The following GALNTL6 variants were observed in gnomAD, a reference collection of about 807,000 sequenced individuals.
The protein encoded by GALNTL6 is polypeptide N-acetylgalactosaminyltransferase-like 6.
GALNTL6 carries 46 observed loss-of-function variants against 73.7 expected under a neutral mutation model. That is an observed-to-expected ratio of 0.62 (90% CI 0.49 to 0.80). GALNTL6 has a LOEUF of 0.80. Ranked by LOEUF, GALNTL6 falls within the 30% of genes least tolerant of loss-of-function variation. The pLI is 0.00. For missense variants in GALNTL6, 604 were observed against 755.0 expected, an observed-to-expected ratio of 0.80 and a Z score of 2.34; for synonymous variants, 259 against 263.7, an observed-to-expected ratio of 0.98 and a Z score of 0.17.
intron 2 of GALNTL6, among the ~76,000 whole-genome samples, chr4:171,836,129 G>C (rs1735088380): frequency 6.6e-6 from 1 of 152,004 alleles, no homozygotes; most frequent in Admixed American, 6.6e-5. Flanking sequence ...GCATCCTTTA[G>C]TAGTGTGGAC....
intron 2 of GALNTL6, among the ~76,000 whole-genome samples, chr4:171,858,078 ATTTTGT>A (rs1201853142): frequency 2.0e-5 from 3 of 151,988 alleles, no homozygotes; most frequent in Non-Finnish European, 4.4e-5. Flanking sequence ...GATACTTGGG[ATTTTGT>A]TTTTGTTTTG....
At chr4:171,899,284 T>C (rs1359680628) in intron 2 of GALNTL6, among the ~76,000 whole-genome samples, 1 of 152,086 alleles carries the variant, frequency 6.6e-6, no homozygotes, top group Non-Finnish European at 1.5e-5. Flanking sequence ...CTAGTAGCGT[T>C]TAAAAAATAT....
At chr4:172,071,655 A>G (rs1429334529) in intron 2 of GALNTL6, among the ~76,000 whole-genome samples, 1 of 110,454 alleles carries the variant, frequency 9.1e-6, no homozygotes, top group Non-Finnish European at 2.0e-5. Context: ...TTTGTTGTAT[A>G]TAAATAAATT....
intron 10 of GALNTL6, among the ~76,000 whole-genome samples, chr4:172,981,997 G>T (rs1751086529): frequency 6.6e-6 from 1 of 151,936 alleles, no homozygotes; most frequent in South Asian, 2.1e-4. Flanking sequence ...GTTTCTCCAT[G>T]TTGGTCAGAC....
intron 3 of GALNTL6, among the ~76,000 whole-genome samples, chr4:172,238,035 G>T (rs73000306): frequency 0.031 from 4,733 of 152,110 alleles, 231 homozygotes; most frequent in African/African-American, 0.11. Flanking sequence ...CTTCAGCTTT[G>T]TTCTTTTTGC....
chr4:172,745,453 A>ATATATATATATATATATATACAC (rs1737059643), intron 5 of GALNTL6, among the ~76,000 whole-genome samples: 1 of 151,182 alleles, frequency 6.6e-6, no homozygotes, highest in African/African-American at 2.4e-5. Context: ...ATGTACACAT[A>ATATATATATATATATATATACAC]ACTTTTATAA....
chr4:173,028,923 T>C (rs10019310), intron 12 of GALNTL6, among the ~76,000 whole-genome samples: 53,447 of 152,120 alleles, frequency 0.35, 9,920 homozygotes, highest in African/African-American at 0.44. Context: ...GTGTAACCAT[T>C]CCATTCATTT....
At chr4:173,032,681 T>A (rs1753521737) in intron 12 of GALNTL6, among the ~76,000 whole-genome samples, 1 of 152,150 alleles carries the variant, frequency 6.6e-6, no homozygotes, top group Non-Finnish European at 1.5e-5. Flanking sequence ...TGAGACCCTG[T>A]CTCAAAAATA....
chr4:172,198,451 G>A (rs141391040), intron 2 of GALNTL6, among the ~76,000 whole-genome samples: 2 of 151,364 alleles, frequency 1.3e-5, no homozygotes, highest in Non-Finnish European at 2.9e-5. Context: ...TGGGCAAAAG[G>A]TATGAACAGA....
At chr4:171,814,970 A>G (rs1734486104) in intron 2 of GALNTL6, 1 of 560,292 alleles carries the variant, frequency 1.8e-6, no homozygotes, top group African/African-American at 1.9e-5. Flanking sequence ...ATAATCTTTC[A>G]CCATTGGTCT....
At chr4:171,826,127 C>T (rs529232356) in intron 2 of GALNTL6, among the ~76,000 whole-genome samples, 7 of 152,284 alleles carry the variant, frequency 4.6e-5, no homozygotes, top group African/African-American at 1.7e-4. Flanking sequence ...CAGCTCTCTT[C>T]GTCGTTTTTG....
chr4:172,682,774 T>C (rs1289572111), intron 5 of GALNTL6, among the ~76,000 whole-genome samples: 1 of 152,090 alleles, frequency 6.6e-6, no homozygotes, highest in Non-Finnish European at 1.5e-5. Flanking sequence ...TTAAGACAAT[T>C]TTAACCTGGT....
chr4:172,847,245 C>T (rs1041568805), intron 7 of GALNTL6, among the ~76,000 whole-genome samples: 3 of 152,118 alleles, frequency 2.0e-5, no homozygotes, highest in Non-Finnish European at 4.4e-5. Context: ...AGAACTCTAT[C>T]ACGCTTATTT....
chr4:172,952,109 A>C lies in GALNTL6; in HGVS notation c.1222A>C (p.Arg408=). 1 of 1,614,112 alleles carries C rather than the reference A, an allele frequency of 6.2e-7. No homozygotes were observed. The highest frequency in any genetic ancestry group is 8.5e-7 in the Non-Finnish European group (1 of 1,179,994). ...EYIYQRRPEY[R]HLSTGDISAQ... is the part of the protein sequence containing the mutation. ...CATTTACCAGCGGCGGCCGGAGTAC[A>C]GGCATCTCTCCACGGGGGACATCTC... The change falls in exon 10 of 13, where the codon AGG becomes CGG. Residue 408 remains arginine (R), a synonymous_variant. Coordinates refer to ENST00000506823, the MANE Select transcript of GALNTL6 (RefSeq NM_001034845.3).
At chr4:172,076,896 G>A (rs991708226) in intron 2 of GALNTL6, among the ~76,000 whole-genome samples, 1 of 152,168 alleles carries the variant, frequency 6.6e-6, no homozygotes. Context: ...CTGGTGGGAG[G>A]TGATTTGATT....
intron 7 of GALNTL6, among the ~76,000 whole-genome samples, chr4:172,879,367 T>C (rs1745343693): frequency 6.6e-6 from 1 of 151,896 alleles, no homozygotes; most frequent in Non-Finnish European, 1.5e-5. Flanking sequence ...AGATAGACCA[T>C]ATTCTAAGCC....
chr4:172,792,910 A>T (rs1740076841), intron 5 of GALNTL6, among the ~76,000 whole-genome samples: 1 of 152,028 alleles, frequency 6.6e-6, no homozygotes, highest in Non-Finnish European at 1.5e-5. Flanking sequence ...CTTCCCTTTC[A>T]GAATTTTGTA....
intron 5 of GALNTL6, among the ~76,000 whole-genome samples, chr4:172,476,068 A>C (rs1733219304): frequency 6.6e-6 from 1 of 152,210 alleles, no homozygotes; most frequent in East Asian, 1.9e-4. Flanking sequence ...CACCTATCTG[A>C]TATCCAGTCG....
intron 5 of GALNTL6, among the ~76,000 whole-genome samples, chr4:172,798,127 C>T (rs575099545): frequency 4.9e-4 from 75 of 152,156 alleles, no homozygotes; most frequent in Non-Finnish European, 8.2e-4. Flanking sequence ...TCATTTAGGT[C>T]CACAGTTCTC....
Sources: allele counts gnomAD v4.1 joint callset (sites outside exome capture counted in the v4.1 genomes callset), GRCh38; gene constraint gnomAD v4.1.1; transcripts MANE v1.5; gene names NCBI Gene and HGNC (gene_info 2026-07-23, HGNC 2026-07-21).